FHIT: variants seen among roughly 807,000 people sequenced by gnomAD.
FHIT encodes fragile histidine triad diadenosine triphosphatase.
In FHIT, 19 loss-of-function variants were observed where a neutral mutation model predicts 17.9. The ratio of observed to expected loss-of-function variants is 1.06; its 90% CI spans 0.74 to 1.56. FHIT has a LOEUF of 1.56. Among genes scored for constraint, FHIT ranks in the 40% most tolerant of loss-of-function variants. The pLI, the probability that FHIT is intolerant of heterozygous loss-of-function variation, is 0.00. For synonymous variants in FHIT, 81 were observed against 69.7 expected, an observed-to-expected ratio of 1.16 and a Z score of -0.81; for missense variants, 248 against 189.2, an observed-to-expected ratio of 1.31 and a Z score of -1.82.
intron 1 of FHIT, among the ~76,000 whole-genome samples, chr3:61,222,199 C>G (rs367771526): frequency 6.9e-4 from 105 of 152,324 alleles, no homozygotes; most frequent in African/African-American, 2.5e-3. Flanking sequence ...CTTCCCTTTC[C>G]TGCTTCATGG....
intron 5 of FHIT, among the ~76,000 whole-genome samples, chr3:60,166,051 G>A (rs1021194960): frequency 2.0e-5 from 3 of 151,962 alleles, no homozygotes; most frequent in Admixed American, 6.6e-5. Context: ...ATTCATCAAG[G>A]AAAGGCTCCT....
At chr3:60,687,564 A>G (rs1364504981) in intron 4 of FHIT, among the ~76,000 whole-genome samples, 1 of 152,146 alleles carries the variant, frequency 6.6e-6, no homozygotes, top group Non-Finnish European at 1.5e-5. Context: ...ATAATTTAAT[A>G]TGGTTTCTTT....
At chr3:59,901,114 G>T (rs1704310528) in intron 8 of FHIT, among the ~76,000 whole-genome samples, 1 of 152,154 alleles carries the variant, frequency 6.6e-6, no homozygotes, top group Non-Finnish European at 1.5e-5. Flanking sequence ...ACAGGATTAA[G>T]TCTGCTCATT....
chr3:60,411,217 T>C (rs2107225219), intron 5 of FHIT, among the ~76,000 whole-genome samples: 1 of 152,312 alleles, frequency 6.6e-6, no homozygotes, highest in South Asian at 2.1e-4. Context: ...GAACTAGTTC[T>C]TAAATCTGAT....
chr3:59,988,147 G>A lies in FHIT; in HGVS notation c.279+23224C>T, dbSNP rs1021037037. 5.3e-5 allele frequency among the ~76,000 whole-genome samples: 8 copies of A among 152,082 alleles called. No individual in the cohort carries two copies. The East Asian group carries it at 7.7e-4, about 15-fold the overall frequency. ...GAAATCTGGAAGCAACAGAGAATGAGAAATTCTCAGGCAGCCTCCAAAATT... is the reference window on the plus strand; with the variant it reads ...GAAATCTGGAAGCAACAGAGAATGAAAAATTCTCAGGCAGCCTCCAAAATT... On this transcript the variant is annotated intron_variant, in intron 7 of 9. Coordinates refer to ENST00000492590, the MANE Select transcript of FHIT (RefSeq NM_002012.4).
chr3:60,331,866 GAAA>G (rs1462769998), intron 5 of FHIT, among the ~76,000 whole-genome samples: 1 of 150,082 alleles, frequency 6.7e-6, no homozygotes, highest in East Asian at 1.9e-4. Context: ...AAAAAAGAGA[GAAA>G]AGAAAAGAAA....
At chr3:59,983,267 G>C (rs1372143110) in intron 7 of FHIT, among the ~76,000 whole-genome samples, 1 of 152,090 alleles carries the variant, frequency 6.6e-6, no homozygotes, top group African/African-American at 2.4e-5. Context: ...ACAAAAAGAA[G>C]GGGTATATTT....
chr3:60,258,100 ACC>A (rs1491550450), intron 5 of FHIT, among the ~76,000 whole-genome samples: 18 of 145,070 alleles, frequency 1.2e-4, no homozygotes, highest in African/African-American at 4.5e-4. Context: ...ACACACACAC[ACC>A]TCTGCAGATT....
chr3:60,051,614 C>G (rs534092318), intron 5 of FHIT, among the ~76,000 whole-genome samples: 2 of 152,128 alleles, frequency 1.3e-5, no homozygotes, highest in Admixed American at 6.5e-5. Context: ...CTGCTATTAA[C>G]TGAACCTGGA....
intron 5 of FHIT, among the ~76,000 whole-genome samples, chr3:60,222,393 A>T (rs1260904116): frequency 1.3e-5 from 2 of 152,134 alleles, no homozygotes; most frequent in Non-Finnish European, 2.9e-5. Flanking sequence ...ACTTCTGTGT[A>T]TTACAGGTAC....
At chr3:60,880,128 G>A (rs1211661886) in intron 3 of FHIT, among the ~76,000 whole-genome samples, 1 of 152,052 alleles carries the variant, frequency 6.6e-6, no homozygotes, top group African/African-American at 2.4e-5. Context: ...AAAACAACAA[G>A]AGAAATGTGT....
At chr3:60,258,189 T>C (rs1348791784) in intron 5 of FHIT, among the ~76,000 whole-genome samples, 3 of 151,868 alleles carry the variant, frequency 2.0e-5, no homozygotes, top group African/African-American at 7.3e-5. Context: ...TACAATAAAA[T>C]TTCCCTTCCT....
At chr3:61,222,798 G>T (rs1053510523) in intron 1 of FHIT, among the ~76,000 whole-genome samples, 3 of 152,152 alleles carry the variant, frequency 2.0e-5, no homozygotes, top group Non-Finnish European at 4.4e-5. Flanking sequence ...AACAATGGGG[G>T]GAATCAAGGC....
intron 5 of FHIT, among the ~76,000 whole-genome samples, chr3:60,034,937 G>C (rs1459361588): frequency 1.3e-5 from 2 of 152,092 alleles, no homozygotes; most frequent in East Asian, 1.9e-4. Context: ...CTCTGATTCG[G>C]TTCTAATTTT....
chr3:60,538,120 G>A (rs1373908602), intron 4 of FHIT, among the ~76,000 whole-genome samples: 1 of 151,840 alleles, frequency 6.6e-6, no homozygotes, highest in African/African-American at 2.4e-5. Context: ...ATCACAAGAA[G>A]GACCAAGCAC....
intron 4 of FHIT, among the ~76,000 whole-genome samples, chr3:60,719,679 A>G (rs1553707596): frequency 6.6e-6 from 1 of 152,218 alleles, no homozygotes; most frequent in Non-Finnish European, 1.5e-5. Context: ...CTACATTTCA[A>G]CAAGAGCCTC....
rs1040592938 is a variant in FHIT at position 59,812,007 on chromosome 3, T to C, written c.349-59686A>G. 2.6e-5 allele frequency among the ~76,000 whole-genome samples: 4 copies of C among 152,120 alleles called. 1 individual carries two copies. The highest frequency in any genetic ancestry group is 5.9e-5 in the Non-Finnish European group (4 of 68,004). The stretch of plus-strand genomic sequence containing the variant: ...TCCTACCTAGGTGGATACACTCCAG[T>C]AAGATCTATACACAGTGGTTCTCAA... On this transcript the variant is annotated intron_variant, in intron 8 of 9. Coordinates refer to ENST00000492590, the MANE Select transcript of FHIT (RefSeq NM_002012.4).
intron 7 of FHIT, among the ~76,000 whole-genome samples, chr3:59,961,033 C>T (rs62240088): frequency 0.087 from 13,225 of 152,122 alleles, 806 homozygotes; most frequent in South Asian, 0.15. Context: ...CCAAAATGTC[C>T]GAAAGTGGTT....
intron 5 of FHIT, among the ~76,000 whole-genome samples, chr3:60,374,427 A>G (rs1700459753): frequency 6.6e-6 from 1 of 151,968 alleles, no homozygotes. Flanking sequence ...ACTCTGCATC[A>G]TTAAACAGGA....
Sources: gnomAD v4.1 joint callset for allele counts (sites outside exome capture counted in the v4.1 genomes callset) on GRCh38, gnomAD v4.1.1 for gene constraint, MANE v1.5 for transcripts, NCBI Gene and HGNC (gene_info 2026-07-23, HGNC 2026-07-21) for gene names.